ASIC2: variants seen among roughly 807,000 people sequenced by gnomAD.
ASIC2 encodes the protein acid sensing ion channel subunit 2, also known as acid-sensing ion channel 2.
Under a neutral mutation model 57.3 loss-of-function variants are expected in ASIC2, and 25 were observed. The observed-to-expected ratio is 0.44, with a 90% confidence interval of 0.32 to 0.61. The LOEUF is 0.61. Ranked by LOEUF, ASIC2 falls within the 20% of genes least tolerant of loss-of-function variation. ASIC2 has a pLI of 0.06. For missense variants in ASIC2, 641 were observed against 738.1 expected (o/e 0.87, Z 1.52); for synonymous variants, 319 against 307.5 (o/e 1.04, Z -0.39).
At chr17:33,667,130 C>A (rs1320128993) in intron 1 of ASIC2, among the ~76,000 whole-genome samples, 2 of 152,134 alleles carry the variant, frequency 1.3e-5, no homozygotes, top group Non-Finnish European at 2.9e-5. Context: ...GAGATAAGAA[C>A]GATTCTAAAT....
At chr17:33,484,407 C>A (rs1247667054) in intron 1 of ASIC2, among the ~76,000 whole-genome samples, 1 of 152,168 alleles carries the variant, frequency 6.6e-6, no homozygotes, top group Non-Finnish European at 1.5e-5. Flanking sequence ...CCTGCAGCAG[C>A]ACTGGCCAGT....
chr17:33,588,193 G>A, intron 1 of ASIC2, among the ~76,000 whole-genome samples: 1 of 152,270 alleles, frequency 6.6e-6, no homozygotes, highest in South Asian at 2.1e-4. Context: ...TAATCTCAAA[G>A]GTATGACATC....
At chr17:33,156,104 A>T (rs1904993917) in intron 1 of ASIC2, among the ~76,000 whole-genome samples, 1 of 151,502 alleles carries the variant, frequency 6.6e-6, no homozygotes, top group Non-Finnish European at 1.5e-5. Context: ...TCTCAAACTT[A>T]GATACACATC....
chr17:33,663,623 G>GGAA (rs1257521501), intron 1 of ASIC2, among the ~76,000 whole-genome samples: 2 of 152,236 alleles, frequency 1.3e-5, no homozygotes, highest in Admixed American at 6.5e-5. Flanking sequence ...TCGTGGCAGG[G>GGAA]CTGAGTTGAA....
At chr17:33,606,932 C>T (rs1375203612) in intron 1 of ASIC2, among the ~76,000 whole-genome samples, 2 of 152,204 alleles carry the variant, frequency 1.3e-5, no homozygotes, top group African/African-American at 4.8e-5. Context: ...CTAGTCTATG[C>T]CTCTGCTGAT....
chr17:33,702,562 G>GA (rs1908736505), intron 1 of ASIC2, among the ~76,000 whole-genome samples: 1 of 152,002 alleles, frequency 6.6e-6, no homozygotes, highest in Admixed American at 6.5e-5. Context: ...TGTCCAAAAG[G>GA]AAAAAAGGCC....
intron 1 of ASIC2, among the ~76,000 whole-genome samples, chr17:33,917,890 GCACACACA>G (rs71364627): frequency 6.0e-5 from 8 of 132,566 alleles, no homozygotes; most frequent in East Asian, 2.5e-4. Flanking sequence ...ACGTGCATGT[GCACACACA>G]CACACACACA....
At chr17:33,796,545 T>C (rs142741019) in intron 1 of ASIC2, among the ~76,000 whole-genome samples, 1 of 152,338 alleles carries the variant, frequency 6.6e-6, no homozygotes, top group East Asian at 1.9e-4. Flanking sequence ...AGCTAGCCTG[T>C]ATAATGTAAA....
chr17:33,328,078 A>G (rs772965395), intron 1 of ASIC2, among the ~76,000 whole-genome samples: 11 of 152,250 alleles, frequency 7.2e-5, no homozygotes, highest in Non-Finnish European at 1.5e-4. Flanking sequence ...TGATTTTTAG[A>G]TTTCTATCTC....
intron 1 of ASIC2, among the ~76,000 whole-genome samples, chr17:33,923,980 T>G (rs1201163285): frequency 1.3e-5 from 2 of 152,168 alleles, no homozygotes; most frequent in Non-Finnish European, 2.9e-5. Flanking sequence ...CAGGTTCAGA[T>G]CTCAGCTTCA....
intron 1 of ASIC2, among the ~76,000 whole-genome samples, chr17:34,128,663 T>C (rs1278651133): frequency 1.3e-5 from 2 of 152,234 alleles, no homozygotes; most frequent in Non-Finnish European, 2.9e-5. Flanking sequence ...CAAGTTATTA[T>C]TGTTACTGCC....
At chr17:33,861,627 A>T (rs1318108517) in intron 1 of ASIC2, among the ~76,000 whole-genome samples, 2 of 152,226 alleles carry the variant, frequency 1.3e-5, no homozygotes. Flanking sequence ...AACTTTGAAC[A>T]GCCTACCTCT....
intron 1 of ASIC2, among the ~76,000 whole-genome samples, chr17:33,700,079 A>T (rs1422462885): frequency 6.6e-6 from 1 of 152,142 alleles, no homozygotes; most frequent in Non-Finnish European, 1.5e-5. Context: ...ACTAGCTTGA[A>T]TTTTTAGCAG....
chr17:33,625,587 C>T (rs12604043), intron 1 of ASIC2, among the ~76,000 whole-genome samples: 80,063 of 152,102 alleles, frequency 0.53, 21,668 homozygotes, highest in African/African-American at 0.64. Context: ...AAATTGATAA[C>T]TAATACAGAA....
chr17:33,870,235 T>G (rs1027088578), intron 1 of ASIC2, among the ~76,000 whole-genome samples: 2 of 134,926 alleles, frequency 1.5e-5, no homozygotes, highest in South Asian at 2.9e-4. Context: ...TTTTTTTTTT[T>G]TTTTTTTTTT....
chr17:33,269,009 G>GTGCA (rs149963562), intron 1 of ASIC2, among the ~76,000 whole-genome samples: 4,312 of 152,182 alleles, frequency 0.028, 231 homozygotes, highest in African/African-American at 0.098. Context: ...GATGAGACAG[G>GTGCA]TGCATTCTAG....
intron 1 of ASIC2, among the ~76,000 whole-genome samples, chr17:33,990,953 T>C (rs1318451117): frequency 2.0e-5 from 3 of 152,190 alleles, no homozygotes; most frequent in African/African-American, 7.2e-5. Context: ...AACTTGTAAC[T>C]CCAAATGTTT....
chr17:33,967,926 A>T (rs1905120578), intron 1 of ASIC2, among the ~76,000 whole-genome samples: 1 of 152,192 alleles, frequency 6.6e-6, no homozygotes, highest in East Asian at 1.9e-4. Flanking sequence ...AAGCTTTTTC[A>T]ACTCGGGGCC....
intron 1 of ASIC2, among the ~76,000 whole-genome samples, chr17:33,925,168 C>T (rs1044646202): frequency 6.6e-6 from 1 of 152,240 alleles, no homozygotes; most frequent in African/African-American, 2.4e-5. Context: ...TCAAGTCCAG[C>T]TATGTGACCT....
Sources: allele counts gnomAD v4.1 joint callset (sites outside exome capture counted in the v4.1 genomes callset), GRCh38; gene constraint gnomAD v4.1.1; transcripts MANE v1.5; gene names NCBI Gene and HGNC (gene_info 2026-07-23, HGNC 2026-07-21).